The following TNIK variants were observed in gnomAD, a reference collection of about 807,000 sequenced individuals.
The protein encoded by TNIK is TRAF2 and NCK interacting kinase.
In TNIK, 49 loss-of-function variants were observed where a neutral mutation model predicts 191.3. The ratio of observed to expected loss-of-function variants is 0.26; its 90% CI spans 0.20 to 0.32. TNIK has a LOEUF of 0.32. TNIK is among the 10% of genes least tolerant of loss of function. The pLI is 1.00. For missense variants in TNIK, 1,155 were observed against 1,702.3 expected, an observed-to-expected ratio of 0.68 and a Z score of 5.66; for synonymous variants, 594 against 600.9, an observed-to-expected ratio of 0.99 and a Z score of 0.17.
intron 26 of TNIK, among the ~76,000 whole-genome samples, chr3:171,083,411 T>C (rs962453140): frequency 4.3e-4 from 65 of 152,306 alleles, no homozygotes; most frequent in Non-Finnish European, 7.5e-4. Context: ...TTTAAAATTA[T>C]GGTTCCCCAA....
chr3:171,284,360 T>C (rs538606417), intron 2 of TNIK, among the ~76,000 whole-genome samples: 131 of 152,278 alleles, frequency 8.6e-4, no homozygotes, highest in African/African-American at 2.8e-3. Context: ...TTGTGAAAAA[T>C]GTCCTCTCAC....
chr3:171,410,703 C>T (rs1255606494), intron 1 of TNIK, among the ~76,000 whole-genome samples: 3 of 137,894 alleles, frequency 2.2e-5, no homozygotes, highest in Non-Finnish European at 3.0e-5. Flanking sequence ...GGCATGAACC[C>T]GGGAGGTGGA....
At chr3:171,221,361 A>C (rs953946981) in intron 3 of TNIK, among the ~76,000 whole-genome samples, 1 of 152,142 alleles carries the variant, frequency 6.6e-6, no homozygotes, top group Non-Finnish European at 1.5e-5. Flanking sequence ...TCAAGCTCCC[A>C]AATCTGGAGG....
intron 2 of TNIK, among the ~76,000 whole-genome samples, chr3:171,309,010 A>G (rs553029490): frequency 6.6e-6 from 1 of 152,290 alleles, no homozygotes; most frequent in South Asian, 2.1e-4. Flanking sequence ...AGCACTTAAA[A>G]ACAGAACTAC....
At chr3:171,231,595 G>T (rs1743659612) in intron 2 of TNIK, among the ~76,000 whole-genome samples, 1 of 152,084 alleles carries the variant, frequency 6.6e-6, no homozygotes, top group Non-Finnish European at 1.5e-5. Flanking sequence ...TTGCTGATCA[G>T]GAAAGGGCCA....
At chr3:171,202,633 G>T (rs1336055234) in intron 4 of TNIK, among the ~76,000 whole-genome samples, 3 of 152,142 alleles carry the variant, frequency 2.0e-5, no homozygotes, top group Non-Finnish European at 4.4e-5. Context: ...CAAAAGAAGA[G>T]ATCAATTGCA....
At chr3:171,072,696 C>G (rs1281868985) in intron 28 of TNIK, among the ~76,000 whole-genome samples, 1 of 152,134 alleles carries the variant, frequency 6.6e-6, no homozygotes, top group Non-Finnish European at 1.5e-5. Context: ...CCAAAAGACT[C>G]TTAGTGCTGA....
At chr3:171,301,338 G>T (rs2108270635) in intron 2 of TNIK, among the ~76,000 whole-genome samples, 1 of 145,638 alleles carries the variant, frequency 6.9e-6, no homozygotes, top group Admixed American at 7.0e-5. Flanking sequence ...TTTTGAGATG[G>T]AGTCTCAGCT....
At chr3:171,120,240 G>A (rs1372668596) in intron 18 of TNIK, among the ~76,000 whole-genome samples, 1 of 151,828 alleles carries the variant, frequency 6.6e-6, no homozygotes, top group African/African-American at 2.4e-5. Context: ...AGTAACTGGA[G>A]TTCATTACTA....
chr3:171,435,669 A>C (rs1286647557), intron 1 of TNIK, among the ~76,000 whole-genome samples: 1 of 152,220 alleles, frequency 6.6e-6, no homozygotes, highest in Non-Finnish European at 1.5e-5. Flanking sequence ...CCTTTGGTCT[A>C]CTAATATGTT....
intron 2 of TNIK, among the ~76,000 whole-genome samples, chr3:171,231,197 C>T (rs1743581278): frequency 1.3e-5 from 2 of 152,168 alleles, no homozygotes; most frequent in African/African-American, 2.4e-5. Flanking sequence ...TGTTACATTT[C>T]GAACACAGGC....
chr3:171,084,292 T>G lies in TNIK; in HGVS notation c.3032A>C (p.Gln1011Pro). ...CTTTCTTGCTTCATTGAGTTTGGCC[T>G]GTTCTTGCCTAAGAAGTTCGCTAGT... Reference protein sequence around the residue: ...LFTSELLRQEQAKLNEARKIS... With the variant: ...LFTSELLRQEPAKLNEARKIS... Residue 1011 changes from glutamine to proline, a missense_variant, in exon 26 of 33, where the codon CAG becomes CCG. Coordinates refer to ENST00000436636, the MANE Select transcript of TNIK (RefSeq NM_015028.4). The G allele has an allele frequency of 6.2e-7, 1 of 1,613,792 alleles. No homozygotes were observed. The highest frequency in any genetic ancestry group is 8.5e-7 in the Non-Finnish European group (1 of 1,179,754).
At chr3:171,217,916 G>A (rs1026216150) in intron 3 of TNIK, among the ~76,000 whole-genome samples, 4 of 152,150 alleles carry the variant, frequency 2.6e-5, no homozygotes, top group East Asian at 1.9e-4. Flanking sequence ...TGCCAAGGTC[G>A]TGTGGCTGGA....
chr3:171,303,099 C>G (rs903432921), intron 2 of TNIK, among the ~76,000 whole-genome samples: 1 of 152,052 alleles, frequency 6.6e-6, no homozygotes, highest in Non-Finnish European at 1.5e-5. Flanking sequence ...TAAAGTCAAG[C>G]AAAATAAAGT....
chr3:171,270,864 A>G (rs1749009282), intron 2 of TNIK, among the ~76,000 whole-genome samples: 1 of 152,248 alleles, frequency 6.6e-6, no homozygotes, highest in South Asian at 2.1e-4. Context: ...TAACAGATGT[A>G]AAGTGATTAC....
intron 2 of TNIK, among the ~76,000 whole-genome samples, chr3:171,238,048 A>C (rs898521065): frequency 2.6e-5 from 4 of 152,140 alleles, no homozygotes; most frequent in Non-Finnish European, 4.4e-5. Flanking sequence ...GGCTGAAAAT[A>C]TCTCTCCCCC....
chr3:171,066,189 T>C lies in TNIK; in HGVS notation c.3997A>G (p.Lys1333Glu). 1 of 1,613,338 alleles carries C rather than the reference T, an allele frequency of 6.2e-7. No homozygotes were observed. The highest frequency in any genetic ancestry group is 8.5e-7 in the Non-Finnish European group (1 of 1,179,854). ...TGCAAATGTTGAAACGGATTTACCT[T>C]ATCATTTCTTTCACATAGAAACTTT... The part of the protein sequence containing the change: ...RLKFLCERND[K>E]VFFASVRSGG... The change falls in exon 32 of 33, where the codon AAG (lysine) becomes GAG (glutamate). Residue 1333 changes from lysine to glutamate, a missense_variant and splice_region_variant. Coordinates refer to ENST00000436636, the MANE Select transcript of TNIK (RefSeq NM_015028.4).
intron 2 of TNIK, among the ~76,000 whole-genome samples, chr3:171,249,473 G>A (rs920660654): frequency 2.3e-4 from 35 of 152,180 alleles, no homozygotes; most frequent in African/African-American, 8.2e-4. Context: ...AAGGGGGCTG[G>A]AGGGATGGGG....
chr3:171,312,885 T>C (rs1278004013), intron 2 of TNIK, among the ~76,000 whole-genome samples: 1 of 152,150 alleles, frequency 6.6e-6, no homozygotes, highest in Non-Finnish European at 1.5e-5. Flanking sequence ...TCCTTGAGTA[T>C]TCATGGCAAT....
Sources: allele counts gnomAD v4.1 joint callset (sites outside exome capture counted in the v4.1 genomes callset), GRCh38; gene constraint gnomAD v4.1.1; transcripts MANE v1.5; gene names NCBI Gene and HGNC (gene_info 2026-07-23, HGNC 2026-07-21).